Variants in LRRC53 observed in about 807,000 individuals in gnomAD.
LRRC53 encodes leucine rich repeat containing 53.
A neutral mutation model predicts 13.6 loss-of-function variants in LRRC53; 25 were observed. The ratio of observed to expected loss-of-function variants is 1.83; its 90% confidence interval spans 1.34 to 2.56. The LOEUF (loss-of-function observed/expected upper bound fraction) is 2.56. Ranked by LOEUF, LRRC53 falls within the 30% of genes most tolerant of loss-of-function variation. The probability of loss-of-function intolerance (pLI) is 0.00; values close to 1 mark genes in which losing one functional copy is unlikely to be tolerated. For missense variants in LRRC53, 527 were observed against 275.8 expected, an observed-to-expected ratio of 1.91 and a Z score of -6.45; for synonymous variants, 204 against 109.8, an observed-to-expected ratio of 1.86 and a Z score of -5.37.
In LRRC53 at chr1:74,490,658, C is replaced by T. The variant is rs112467118; in HGVS notation, c.-26-7283G>A. The stretch of plus-strand genomic sequence containing the variant: ...AGTCAGCCTAAAGAGGCTTGACTTG[C>T]GCAGTTTCATAAGACCTTATCCTCT... On this transcript the variant is annotated intron_variant, in intron 1 of 4. Coordinates refer to ENST00000294635, the MANE Select transcript of LRRC53 (RefSeq NM_001382280.1). Among the ~76,000 whole-genome samples the T allele has an allele frequency of 8.5e-5, 13 of 152,268 alleles. No individual in the cohort carries two copies. In the East Asian group the frequency reaches 1.2e-3, roughly 14 times the overall value.
intron 3 of LRRC53, among the ~76,000 whole-genome samples, chr1:74,479,116 AG>A (rs1302384114): frequency 2.0e-5 from 3 of 152,166 alleles, no homozygotes; most frequent in African/African-American, 7.2e-5. Flanking sequence ...AAAATACGTC[AG>A]TCTTGGATGC....
the LRRC53 span, among the ~76,000 whole-genome samples, chr1:74,529,012 A>C: frequency 1.3e-5 from 2 of 152,236 alleles, no homozygotes; most frequent in Non-Finnish European, 2.9e-5. Flanking sequence ...GTGGTCAACT[A>C]TGAGTTAATT....
chr1:74,520,552 C>T, the LRRC53 span, among the ~76,000 whole-genome samples: 2 of 151,886 alleles, frequency 1.3e-5, no homozygotes, highest in Non-Finnish European at 2.9e-5. Context: ...TCTCTTTTGA[C>T]CTTTTCCTTC....
chr1:74,516,753 A>G (rs1188919541), upstream of LRRC53, among the ~76,000 whole-genome samples: 1 of 152,176 alleles, frequency 6.6e-6, no homozygotes, highest in Non-Finnish European at 1.5e-5. Context: ...CTCCAGTAGT[A>G]ATAATGAATG....
chr1:74,530,704 G>A, the LRRC53 span, among the ~76,000 whole-genome samples: 1 of 147,632 alleles, frequency 6.8e-6, no homozygotes, highest in South Asian at 2.2e-4. Flanking sequence ...TCACTGTCAT[G>A]CTACCAAGAA....
chr1:74,533,123 C>G, the LRRC53 span, among the ~76,000 whole-genome samples: 7 of 152,166 alleles, frequency 4.6e-5, no homozygotes, highest in Non-Finnish European at 1.0e-4. Context: ...TCAGAGTGAA[C>G]AGGCAACCTA....
intron 1 of LRRC53, among the ~76,000 whole-genome samples, chr1:74,503,359 C>G (rs1486071512): frequency 5.3e-5 from 8 of 152,112 alleles, no homozygotes; most frequent in Non-Finnish European, 4.4e-5. Context: ...TTTACTTATT[C>G]AAAGAATGCT....
chr1:74,504,434 C>G (rs1356215088), intron 1 of LRRC53, among the ~76,000 whole-genome samples: 1 of 152,126 alleles, frequency 6.6e-6, no homozygotes, highest in Non-Finnish European at 1.5e-5. Context: ...TGTGCAGCCT[C>G]AAAGTTGAGG....
chr1:74,499,251 C>T (rs764751907), intron 1 of LRRC53, among the ~76,000 whole-genome samples: 1 of 152,230 alleles, frequency 6.6e-6, no homozygotes, highest in Non-Finnish European at 1.5e-5. Flanking sequence ...AAGCAATCCT[C>T]CTGCCTGAGC....
chr1:74,470,978 T>A lies in LRRC53; in HGVS notation c.2644A>T (p.Asn882Tyr), dbSNP rs1570662985. The change falls in exon 5 of 5, where the codon AAT (asparagine) becomes TAT (tyrosine). Residue 882 changes from asparagine to tyrosine, a missense_variant. Coordinates refer to ENST00000294635, the MANE Select transcript of LRRC53 (RefSeq NM_001382280.1). ...VLSYLATTWE[N>Y]TGSDVLPFQH... ...AATGGTAAAACATCACTTCCTGTAT[T>A]TTCCCAAGTAGTTGCTAAATAACTA... The A allele has an allele frequency of 2.5e-5, 10 of 400,722 alleles. No individual in the cohort carries two copies. In the East Asian group the frequency reaches 3.6e-4, roughly 14 times the overall value. 24.8% of individuals were successfully genotyped at this position (400,722 alleles called of 1,614,324 possible).
intron 1 of LRRC53, among the ~76,000 whole-genome samples, chr1:74,485,416 T>C (rs1284753686): frequency 6.6e-6 from 1 of 152,068 alleles, no homozygotes; most frequent in African/African-American, 2.4e-5. Context: ...AAACCAGAGA[T>C]TGAGGTAGAA....
At chr1:74,515,988 A>G (rs116746508), upstream of LRRC53, among the ~76,000 whole-genome samples, 1,562 of 152,296 alleles carry the variant, frequency 0.01, 34 homozygotes, top group African/African-American at 0.036. Context: ...GAAAATGTAA[A>G]TGGAGAGAGT....
the LRRC53 span, among the ~76,000 whole-genome samples, chr1:74,520,959 A>G: frequency 1.3e-5 from 2 of 152,140 alleles, no homozygotes; most frequent in African/African-American, 4.8e-5. Flanking sequence ...GGAAGATTGA[A>G]TAGTCCACAG....
At chr1:74,531,943 G>T in the LRRC53 span, among the ~76,000 whole-genome samples, 1 of 152,138 alleles carries the variant, frequency 6.6e-6, no homozygotes, top group South Asian at 2.1e-4. Flanking sequence ...AAATCCAAAT[G>T]GCTAAATCAT....
rs201008753 is a variant in LRRC53 at position 74,492,175 on chromosome 1, G to A, written c.-26-8800C>T. On this transcript the variant is annotated intron_variant, in intron 1 of 4. Transcript: ENST00000294635. Reference sequence around the variant, plus strand: ...TTCTGATTGCCTGGTGAACCGGGGAGGACCTGGCCGGAGTCATGTGGCAGC... The same window carrying A: ...TTCTGATTGCCTGGTGAACCGGGGAAGACCTGGCCGGAGTCATGTGGCAGC... 8.1e-6 allele frequency: 13 copies of A among 1,613,030 alleles called. No homozygotes were observed. Among genetic ancestry groups the A allele is most frequent in the Non-Finnish European group, 1.1e-5 (13 of 1,179,314 alleles).
At chr1:74,473,386 T>C (rs1006090338) in intron 4 of LRRC53, among the ~76,000 whole-genome samples, 5 of 152,108 alleles carry the variant, frequency 3.3e-5, no homozygotes, top group African/African-American at 1.2e-4. Context: ...AATTTAAAAT[T>C]ATTTATTAGT....
chr1:74,509,835 C>T (rs1270042361), intron 1 of LRRC53, among the ~76,000 whole-genome samples: 2 of 139,944 alleles, frequency 1.4e-5, no homozygotes, highest in Admixed American at 7.5e-5. Flanking sequence ...TCACTGCAGC[C>T]TCAACTTCCC....
At chr1:74,507,849 G>C (rs1669983845) in intron 1 of LRRC53, among the ~76,000 whole-genome samples, 1 of 152,184 alleles carries the variant, frequency 6.6e-6, no homozygotes, top group Non-Finnish European at 1.5e-5. Context: ...GCTGAAAATT[G>C]AAGCAGCGTT....
chr1:74,479,360 A>C (rs1668362705), intron 3 of LRRC53, among the ~76,000 whole-genome samples: 1 of 152,234 alleles, frequency 6.6e-6, no homozygotes, highest in African/African-American at 2.4e-5. Context: ...TAGTTTCATA[A>C]ATTTTAAATT....
Sources: allele counts gnomAD v4.1 joint callset (sites outside exome capture counted in the v4.1 genomes callset), GRCh38; gene constraint gnomAD v4.1.1; transcripts MANE v1.5; gene names NCBI Gene and HGNC (gene_info 2026-07-23, HGNC 2026-07-21).